The following DCHS2 variants were observed in gnomAD, a reference collection of about 807,000 sequenced individuals.
DCHS2 encodes the protein protocadherin-23.
A neutral mutation model predicts 182.4 loss-of-function variants in DCHS2; 142 were observed. The ratio of observed to expected loss-of-function variants is 0.78; its 90% CI spans 0.68 to 0.89. The LOEUF is 0.89. Among genes scored for constraint, DCHS2 ranks in the 40% least tolerant of loss-of-function variants. The pLI is 0.00. For missense variants in DCHS2, 4,319 were observed against 4,198.6 expected (o/e 1.03, Z -0.79); for synonymous variants, 1,740 against 1,663.3 (o/e 1.05, Z -1.12).
intron 3 of DCHS2, among the ~76,000 whole-genome samples, chr4:154,352,872 AAGATC>A (rs1729686168): frequency 6.6e-6 from 1 of 152,168 alleles, no homozygotes; most frequent in Non-Finnish European, 1.5e-5. Flanking sequence ...GGCAGAAGAC[AAGATC>A]AGAGCCATTT....
Position 154,235,933 on chromosome 4 carries a change from C to T in DCHS2, c.8719G>A (p.Ala2907Thr). The T allele has an allele frequency of 6.2e-7, 1 of 1,614,026 alleles. No homozygotes were observed. The highest frequency in any genetic ancestry group is 8.5e-7 in the Non-Finnish European group (1 of 1,179,950). The change falls in exon 20 of 20, where the codon GCA becomes ACA. Residue 2907 changes from alanine (A) to threonine (T), a missense_variant. Transcript: ENST00000357232. ...QLIGRVEASD[A>T]DAGIDGVILY... ...ATGACTCCATCAATACCAGCATCTG[C>T]ATCTGAGGCTTCCACTCTGCCAATC... is the stretch of plus-strand genomic sequence containing the variant.
intron 18 of DCHS2, 64 bp from the exon 19 acceptor site, chr4:154,239,366 G>T (rs1731691259): frequency 1.3e-6 from 2 of 1,597,198 alleles, no homozygotes; most frequent in South Asian, 2.3e-5. Flanking sequence ...TCACCAACAG[G>T]GACAGAACAT....
chr4:154,278,732 C>T (rs1733985553), intron 13 of DCHS2, among the ~76,000 whole-genome samples: 1 of 151,956 alleles, frequency 6.6e-6, no homozygotes, highest in Non-Finnish European at 1.5e-5. Flanking sequence ...GGATGATGTA[C>T]TCAAAGGGCT....
chr4:154,347,723 A>G (rs1341883464), intron 3 of DCHS2, among the ~76,000 whole-genome samples: 1 of 151,912 alleles, frequency 6.6e-6, no homozygotes, highest in Non-Finnish European at 1.5e-5. Context: ...GGGAAAGGGA[A>G]AGTAGGAGGA....
chr4:154,244,347 A>G (rs1168346368), intron 16 of DCHS2, among the ~76,000 whole-genome samples: 1 of 152,194 alleles, frequency 6.6e-6, no homozygotes, highest in Non-Finnish European at 1.5e-5. Flanking sequence ...ATACTTGTTG[A>G]ACATACCTCT....
At position 154,392,608 on chromosome 4, in the gene DCHS2, C is replaced by T. The variant is rs545201701; in HGVS notation, c.2053-15164G>A. 1.1e-3 allele frequency among the ~76,000 whole-genome samples: 162 copies of T among 152,190 alleles called. 1 individual carries two copies. Among genetic ancestry groups the T allele is most frequent in the Non-Finnish European group, 2.0e-3 (139 of 68,018 alleles). ...TGGGCAAATATTAAGGTTTGGAAAC[C>T]TATTCTCAATTTAGCAGCTTTGCTT... On this transcript the variant is annotated intron_variant, in intron 1 of 19. Coordinates refer to ENST00000357232, the MANE Select transcript of DCHS2 (RefSeq NM_001358235.2).
In DCHS2 at chr4:154,484,389, CA is replaced by C. The variant is rs1206514473; in HGVS notation, c.2052+4914del. On this transcript the variant is annotated intron_variant, in intron 1 of 19. Transcript: ENST00000357232. The stretch of plus-strand genomic sequence containing the variant: ...TGTCAATCTCTATTCACAAACCTCC[CA>C]TTATCTCCCATGTATTTCCATAATA... Among the ~76,000 whole-genome samples the C allele has an allele frequency of 1.5e-4, 10 of 65,814 alleles. 1 individual carries two copies. The South Asian group carries it at 3.9e-3, about 26-fold the overall frequency. 43.2% of individuals were successfully genotyped at this position (65,814 alleles called of 152,430 possible). A position where few individuals can be genotyped will look rare whatever the true frequency, so the allele number is the denominator to read the frequency against.
chr4:154,270,358 G>T (rs945772991), intron 13 of DCHS2, among the ~76,000 whole-genome samples: 3 of 151,978 alleles, frequency 2.0e-5, no homozygotes, highest in Non-Finnish European at 4.4e-5. Flanking sequence ...TTTTTCAGGG[G>T]AAGCACCAGA....
At chr4:154,424,304 T>C (rs1733234107) in intron 1 of DCHS2, among the ~76,000 whole-genome samples, 1 of 152,090 alleles carries the variant, frequency 6.6e-6, no homozygotes, top group Non-Finnish European at 1.5e-5. Flanking sequence ...TAAAGGACAG[T>C]AAAAAGGAAG....
rs1306420474 is a variant in DCHS2, at chr4:154,322,204, G to C, written c.4176+127C>G. ...TGCTATGTGCAATGCTCTCAAAATAGTATTCATGTAACATACATACATATT... is the reference window on the plus strand; with the variant it reads ...TGCTATGTGCAATGCTCTCAAAATACTATTCATGTAACATACATACATATT... On this transcript the variant is annotated intron_variant, in intron 8 of 19. Transcript: ENST00000357232. 3 of 1,311,948 alleles carry C rather than the reference G, an allele frequency of 2.3e-6. No individual in the cohort carries two copies. In the East Asian group the frequency reaches 7.5e-5, roughly 33 times the overall value. 81.3% of individuals were successfully genotyped at this position (1,311,948 alleles called of 1,614,324 possible). A position where few individuals can be genotyped will look rare whatever the true frequency, so the allele number is the denominator to read the frequency against.
At chr4:154,460,327 T>C (rs964082472) in intron 1 of DCHS2, among the ~76,000 whole-genome samples, 3 of 152,226 alleles carry the variant, frequency 2.0e-5, no homozygotes, top group Non-Finnish European at 4.4e-5. Context: ...ACAAACATTT[T>C]CCATGTGAAG....
chr4:154,407,183 G>T (rs1387679357), intron 1 of DCHS2, among the ~76,000 whole-genome samples: 2 of 152,202 alleles, frequency 1.3e-5, no homozygotes, highest in Non-Finnish European at 1.5e-5. Context: ...TTTCGCTTGG[G>T]ATTGAGGGCT....
At chr4:154,317,145 C>A (rs1735890432) in intron 9 of DCHS2, among the ~76,000 whole-genome samples, 3 of 152,228 alleles carry the variant, frequency 2.0e-5, no homozygotes, top group Non-Finnish European at 4.4e-5. Flanking sequence ...AATCCCATCT[C>A]ATATGAATGC....
chr4:154,465,537 C>T (rs778461369), intron 1 of DCHS2, among the ~76,000 whole-genome samples: 5 of 152,080 alleles, frequency 3.3e-5, no homozygotes, highest in East Asian at 1.9e-4. Context: ...GGCATGGTGG[C>T]GCACCCCTGT....
intron 1 of DCHS2, among the ~76,000 whole-genome samples, chr4:154,485,909 A>G (rs1291962680): frequency 2.0e-5 from 3 of 152,202 alleles, no homozygotes; most frequent in Non-Finnish European, 4.4e-5. Context: ...TAGAGGTTGA[A>G]GTTAATCTTT....
chr4:154,292,979 T>A (rs1734734407), intron 13 of DCHS2, among the ~76,000 whole-genome samples: 1 of 152,242 alleles, frequency 6.6e-6, no homozygotes, highest in African/African-American at 2.4e-5. Flanking sequence ...ATTGTCACTA[T>A]CACCCTAGCC....
chr4:154,405,601 C>T (rs1732367446), intron 1 of DCHS2, among the ~76,000 whole-genome samples: 2 of 152,092 alleles, frequency 1.3e-5, no homozygotes, highest in South Asian at 4.1e-4. Context: ...TTTCATTCTA[C>T]AGATTAGACT....
chr4:154,476,458 G>T (rs978009862), intron 1 of DCHS2, among the ~76,000 whole-genome samples: 1 of 152,174 alleles, frequency 6.6e-6, no homozygotes, highest in Non-Finnish European at 1.5e-5. Flanking sequence ...TAATGTTTAT[G>T]GCAGGCATTT....
intron 7 of DCHS2, among the ~76,000 whole-genome samples, chr4:154,326,282 T>C (rs1578967002): frequency 6.6e-6 from 1 of 152,168 alleles, no homozygotes; most frequent in East Asian, 1.9e-4. Flanking sequence ...TCCAATTTTA[T>C]TATTTATTTA....
Sources: gnomAD v4.1 joint callset for allele counts (sites outside exome capture counted in the v4.1 genomes callset) on GRCh38, gnomAD v4.1.1 for gene constraint, MANE v1.5 for transcripts, NCBI Gene and HGNC (gene_info 2026-07-23, HGNC 2026-07-21) for gene names.